The following HLA-DRB5 variants were observed in gnomAD, a reference collection of about 807,000 sequenced individuals.
HLA-DRB5 encodes DR beta-5.
In HLA-DRB5, 11 loss-of-function variants were observed where a neutral mutation model predicts 22.4. That is an observed-to-expected ratio of 0.49 (90% CI 0.31 to 0.81). HLA-DRB5 has a LOEUF of 0.81. Among genes scored for constraint, HLA-DRB5 ranks in the 40% least tolerant of loss-of-function variants. The pLI is 0.05. For synonymous variants in HLA-DRB5, 57 were observed against 106.0 expected (o/e 0.54, Z 2.84); for missense variants, 106 against 274.4 (o/e 0.39, Z 4.34).
chr6:32,529,222 C>T (rs796426996), intron 1 of HLA-DRB5, among the ~76,000 whole-genome samples: 276 of 127,680 alleles, frequency 2.2e-3, no homozygotes, highest in Middle Eastern at 0.011. Context: ...CTCTGTAACC[C>T]CACACAGAGT....
intron 1 of HLA-DRB5, among the ~76,000 whole-genome samples, chr6:32,529,066 G>A (rs111830089): frequency 0.088 from 12,379 of 140,374 alleles, no homozygotes; most frequent in Admixed American, 0.14. Context: ...GGAGGAAGAG[G>A]TAAGCAGACA....
At position 32,521,809 on chromosome 6, in the gene HLA-DRB5, TCTCA is replaced by T. The variant is rs1420415670; in HGVS notation, c.370+92_370+95del. 2.9e-4 allele frequency: 97 copies of T among 330,080 alleles called. 2 individuals are homozygous for T. Among genetic ancestry groups the T allele is most frequent in the Non-Finnish European group, 4.0e-4 (84 of 210,246 alleles). The allele number at this position is 330,080 out of a possible 1,614,324, so 20.4% of individuals were successfully genotyped here. On this transcript the variant is annotated intron_variant, in intron 2 of 5. Coordinates refer to ENST00000374975, the MANE Select transcript of HLA-DRB5 (RefSeq NM_002125.4). The stretch of plus-strand genomic sequence containing the variant: ...CTCTCTGTCTCTCTCTTCCTCTCTC[TCTCA>T]CACACACACACACACACACACACAC...
intron 1 of HLA-DRB5, among the ~76,000 whole-genome samples, chr6:32,528,156 G>T (rs185513058): frequency 2.0e-3 from 137 of 67,006 alleles, no homozygotes; most frequent in Admixed American, 3.8e-3. Context: ...TGTTTTCTCA[G>T]CTGGATGTCA....
chr6:32,524,736 T>C (rs1769388721), intron 1 of HLA-DRB5, among the ~76,000 whole-genome samples: 1 of 81,090 alleles, frequency 1.2e-5, no homozygotes, highest in African/African-American at 5.2e-5. Flanking sequence ...TAAACATTTG[T>C]AAAGTCACTG....
chr6:32,519,607 G>A lies in HLA-DRB5; in HGVS notation c.415C>T (p.Gln139Ter). The change falls in exon 3 of 6, where the codon CAG becomes TAG. Residue 139 changes from glutamine (Q) to a stop codon, truncating the protein, a stop_gained. Coordinates refer to ENST00000374975, the MANE Select transcript of HLA-DRB5 (RefSeq NM_002125.4). LOFTEE classifies it high-confidence loss of function. ...GAGCAGACCAGGAGGTTGTGGTGCT[G>A]CAGGGTCTGGGTCCTTGCAGGATAC... ...TVYPARTQTL[Q>*]HHNLLVCSVN... is the part of the protein sequence containing the mutation. 4.3e-6 allele frequency: 4 copies of A among 921,704 alleles called. No homozygotes were observed. The highest frequency in any genetic ancestry group is 2.6e-5 in the Admixed American group (1 of 37,922). The allele number at this position is 921,704 out of a possible 1,614,324, so 57.1% of individuals were successfully genotyped here.
At chr6:32,520,210 C>CG (rs1303625904) in intron 2 of HLA-DRB5, among the ~76,000 whole-genome samples, 23 of 41,662 alleles carry the variant, frequency 5.5e-4, no homozygotes, top group African/African-American at 7.2e-4. Context: ...GTTCCACTTG[C>CG]CACCTATTTA....
Position 32,519,483 on chromosome 6 carries a change from C to T in HLA-DRB5, c.539G>A (p.Gly180Glu), listed in dbSNP as rs1261331701. The T allele has an allele frequency of 1.4e-6, 2 of 1,448,228 alleles. No individual in the cohort carries two copies. Among genetic ancestry groups the T allele is most frequent in the Non-Finnish European group, 1.9e-6 (2 of 1,070,748 alleles). The allele number at this position is 1,448,228 out of a possible 1,614,324, so 89.7% of individuals were successfully genotyped here. ...CACCAGGGTCTGGAAGGTCCAGTCT[C>T]CATTCTGAATCAGGCCTGTGGACAC... is the stretch of plus-strand genomic sequence containing the variant. ...GVVSTGLIQN[G>E]DWTFQTLVML... Residue 180 changes from glycine to glutamate, a missense_variant, in exon 3 of 6, where the codon GGA (glycine) becomes GAA (glutamate). Physicochemically the swap from Gly to Glu is moderately conservative, Grantham distance 98. Coordinates refer to ENST00000374975, the MANE Select transcript of HLA-DRB5 (RefSeq NM_002125.4).
At position 32,524,920 on chromosome 6, in the gene HLA-DRB5, C is replaced by T. The variant is rs1367697110; in HGVS notation, c.101-2746G>A. The stretch of plus-strand genomic sequence containing the variant: ...AGGAACCTGTTTGTTATCTGACAAC[C>T]CTAGCCAGACTTGCTAGTCAAACCT... On this transcript the variant is annotated intron_variant, in intron 1 of 5. Transcript: ENST00000374975. Among the ~76,000 whole-genome samples the T allele has an allele frequency of 1.3e-3, 40 of 29,726 alleles. 3 individuals are homozygous for T. Among genetic ancestry groups the T allele is most frequent in the Admixed American group, 1.8e-3 (4 of 2,250 alleles). 19.5% of individuals were successfully genotyped at this position (29,726 alleles called of 152,430 possible). A position where few individuals can be genotyped will look rare whatever the true frequency, so the allele number is the denominator to read the frequency against.
chr6:32,521,848 CACA>C (rs1768929258), intron 2 of HLA-DRB5, 54 bp downstream of exon 2: 1 of 804,524 alleles, frequency 1.2e-6, no homozygotes, highest in Non-Finnish European at 1.9e-6. Context: ...CACACACACA[CACA>C]CACTCAGATT....
intron 2 of HLA-DRB5, among the ~76,000 whole-genome samples, chr6:32,521,489 C>T (rs371747477): frequency 0.59 from 61,495 of 103,980 alleles, 17,741 homozygotes; most frequent in Middle Eastern, 0.71. Flanking sequence ...AAATCTTCCA[C>T]ACCCCTCAGC....
chr6:32,518,041 TA>T lies in HLA-DRB5; in HGVS notation c.787+12del. On this transcript the variant is annotated intron_variant, in intron 5 of 5. Transcript: ENST00000374975. The stretch of plus-strand genomic sequence containing the variant: ...ACTGAATCTGTTTCTAAAAGAGGAT[TA>T]AAAGGTATTACCTGTTGGGTGAAGT... 1 of 448,846 alleles carries T rather than the reference TA, an allele frequency of 2.2e-6. No homozygotes were observed. The highest frequency in any genetic ancestry group is 3.1e-6 in the Non-Finnish European group (1 of 323,074). The allele number at this position is 448,846 out of a possible 1,614,324, so 27.8% of individuals were successfully genotyped here.
chr6:32,525,552 T>A (rs201931809), intron 1 of HLA-DRB5, among the ~76,000 whole-genome samples: 21,855 of 110,558 alleles, frequency 0.2, 4 homozygotes, highest in Admixed American at 0.26. Context: ...TGTCTAATAA[T>A]GCAGTATACC....
chr6:32,525,629 C>A (rs867592181), intron 1 of HLA-DRB5, among the ~76,000 whole-genome samples: 12,513 of 86,722 alleles, frequency 0.14, 30 homozygotes, highest in East Asian at 0.18. Flanking sequence ...CAGATTTAAA[C>A]TGCAATCTGA....
chr6:32,526,912 CCACCCACTTCAAATCA>C (rs1769672087), intron 1 of HLA-DRB5, among the ~76,000 whole-genome samples: 1 of 90,112 alleles, frequency 1.1e-5, no homozygotes, highest in African/African-American at 5.0e-5. Flanking sequence ...TTATTTCCAA[CCACCCACTTCAAATCA>C]TTTCCTCCCA....
chr6:32,519,050 T>C (rs369463108), intron 3 of HLA-DRB5, among the ~76,000 whole-genome samples: 1 of 90,484 alleles, frequency 1.1e-5, no homozygotes, highest in South Asian at 4.0e-4. Context: ...ATAACTCAGA[T>C]CAACAGCACC....
At chr6:32,522,969 C>A (rs796892951) in intron 1 of HLA-DRB5, among the ~76,000 whole-genome samples, 9,656 of 112,130 alleles carry the variant, frequency 0.086, 139 homozygotes, top group East Asian at 0.12. Context: ...TGATGAACTT[C>A]TTCAAGAAAC....
chr6:32,519,993 G>A (rs1473763124), intron 2 of HLA-DRB5, among the ~76,000 whole-genome samples: 1 of 36,464 alleles, frequency 2.7e-5, no homozygotes, highest in Non-Finnish European at 5.5e-5. Flanking sequence ...CCTTTTACTG[G>A]TTGATGCTGG....
At chr6:32,523,841 G>A (rs1408036372) in intron 1 of HLA-DRB5, among the ~76,000 whole-genome samples, 1 of 118,524 alleles carries the variant, frequency 8.4e-6, no homozygotes, top group African/African-American at 2.9e-5. Context: ...AGAGCACAGT[G>A]TGAAACAGTG....
chr6:32,522,772 G>GGA (rs1310348299), intron 1 of HLA-DRB5, among the ~76,000 whole-genome samples: 1 of 35,362 alleles, frequency 2.8e-5, no homozygotes, highest in African/African-American at 1.1e-4. Flanking sequence ...AGAACACAGA[G>GGA]TAATAGGATG....
Sources: allele counts gnomAD v4.1 joint callset (sites outside exome capture counted in the v4.1 genomes callset), GRCh38; gene constraint gnomAD v4.1.1; transcripts MANE v1.5; gene names NCBI Gene and HGNC (gene_info 2026-07-23, HGNC 2026-07-21).